Variants in PEG3 observed in about 807,000 individuals in gnomAD.
PEG3 encodes paternally-expressed gene 3 protein.
PEG3 carries 23 observed loss-of-function variants against 35.5 expected under a neutral mutation model. The observed-to-expected ratio is 0.65, with a 90% CI of 0.47 to 0.92. The LOEUF (loss-of-function observed/expected upper bound fraction) is 0.92. Among genes scored for constraint, PEG3 ranks in the 40% least tolerant of loss-of-function variants. PEG3 has a pLI of 0.00. For missense variants in PEG3, 1,960 were observed against 1,985.3 expected (o/e 0.99, Z 0.24); for synonymous variants, 707 against 697.0 (o/e 1.01, Z -0.23).
chr19:56,814,014 C>T lies in PEG3; in HGVS notation c.4428G>A (p.Glu1476=), dbSNP rs754695066. 1 of 1,613,298 alleles carries T rather than the reference C, an allele frequency of 6.2e-7. No individual in the cohort carries two copies. ...CACCGTCAGGCTCGTCGGCATCTCCCTCTGGCTCTTCAGCTTTTCCCTCTG... is the reference window on the plus strand; with the variant it reads ...CACCGTCAGGCTCGTCGGCATCTCCTTCTGGCTCTTCAGCTTTTCCCTCTG... ...EEPEGKAEEP[E]GDADEPDGVG... Residue 1476 remains glutamate (E), a synonymous_variant, in exon 10 of 10, where the codon GAG becomes GAA. Transcript: ENST00000326441. The surrounding 1 kb of genome is among the most constrained non-coding windows in gnomAD (Gnocchi z 5.8).
In PEG3 at chr19:56,814,092, A is replaced by G. The variant is rs1459861407; in HGVS notation, c.4350T>C (p.Ala1450=). Residue 1450 remains alanine, a synonymous_variant, in exon 10 of 10, where the codon GCT becomes GCC. Coordinates refer to ENST00000326441, the MANE Select transcript of PEG3 (RefSeq NM_006210.3). This position sits in a 1 kb window ranked among gnomAD's most constrained non-coding sequence, Gnocchi z 5.8. ...CAATACCTGCACCATCTGGCTCATCAGCATCCCCATTTGGCTGCTCGGCCT... is the reference window on the plus strand; with the variant it reads ...CAATACCTGCACCATCTGGCTCATCGGCATCCCCATTTGGCTGCTCGGCCT... ...NGEAEQPNGD[A]DEPDGAGIED... The G allele has an allele frequency of 8.1e-6, 13 of 1,613,780 alleles. No homozygotes were observed. The highest frequency in any genetic ancestry group is 5.3e-5 in the African/African-American group (4 of 74,820).
In PEG3 at chr19:56,816,318, A is replaced by C; in HGVS notation, c.2124T>G (p.Ser708=). The C allele has an allele frequency of 6.2e-7, 1 of 1,614,122 alleles. No homozygotes were observed. The highest frequency in any genetic ancestry group is 8.5e-7 in the Non-Finnish European group (1 of 1,179,996). The change falls in exon 10 of 10, where the codon TCT becomes TCG. Residue 708 remains serine (S), a synonymous_variant. Transcript: ENST00000326441. ...CTCTGCCTTCAAAGAGGTTCTTTCG[A>C]GAATGAATTTTCTGATGCTCACTGA... ...SELSEHQKIH[S]RKNLFEGRGY...
intron 2 of PEG3, among the ~76,000 whole-genome samples, chr19:56,829,181 T>A (rs1299790224): frequency 1.3e-5 from 2 of 151,906 alleles, no homozygotes; most frequent in Non-Finnish European, 2.9e-5. Flanking sequence ...TGAAACTCCA[T>A]CTCTACTAAA....
Position 56,811,720 on chromosome 19 carries a change from C to T in PEG3, c.*1955G>A, listed in dbSNP as rs1600852641. On this transcript the variant is annotated 3_prime_UTR_variant, in exon 10 of 10. Coordinates refer to ENST00000326441, the MANE Select transcript of PEG3 (RefSeq NM_006210.3). Reference sequence around the variant, plus strand: ...AAACCTCACTGCCCCTCAGCTTTCCCGATGTCCGTTCCAACCTCAGTCCTT... The same window carrying T: ...AAACCTCACTGCCCCTCAGCTTTCCTGATGTCCGTTCCAACCTCAGTCCTT... 3 of 985,576 alleles carry T rather than the reference C, an allele frequency of 3.0e-6. No individual in the cohort carries two copies. Among genetic ancestry groups the T allele is most frequent in the Middle Eastern group, 5.2e-4 (1 of 1,914 alleles). 61.1% of individuals were successfully genotyped at this position (985,576 alleles called of 1,614,324 possible). A position where few individuals can be genotyped will look rare whatever the true frequency, so the allele number is the denominator to read the frequency against.
chr19:56,818,168 C>T (rs903437636), intron 8 of PEG3, among the ~76,000 whole-genome samples: 1 of 152,308 alleles, frequency 6.6e-6, no homozygotes, highest in Middle Eastern at 3.4e-3. Flanking sequence ...TACCTCGCGA[C>T]TGCTCTTCCT....
Position 56,814,527 on chromosome 19 carries a change from C to T in PEG3, c.3915G>A (p.Lys1305=). Residue 1305 remains lysine (K), a synonymous_variant, in exon 10 of 10, where the codon AAG becomes AAA. Transcript: ENST00000326441. This position sits in a 1 kb window ranked among gnomAD's most constrained non-coding sequence, Gnocchi z 5.8. The part of the protein sequence containing the change: ...AELADHVTVH[K]NEPYEYGSSY... ...AGGACCCGTACTCATAGGGCTCATTCTTATGAACAGTTACGTGATCTGCAA... is the reference window on the plus strand; with the variant it reads ...AGGACCCGTACTCATAGGGCTCATTTTTATGAACAGTTACGTGATCTGCAA... 4 of 1,613,942 alleles carry T rather than the reference C, an allele frequency of 2.5e-6. No individual in the cohort carries two copies. The highest frequency in any genetic ancestry group is 3.4e-6 in the Non-Finnish European group (4 of 1,179,892).
intron 1 of PEG3, among the ~76,000 whole-genome samples, chr19:56,838,072 C>T (rs1229584178): frequency 6.6e-6 from 1 of 152,242 alleles, no homozygotes; most frequent in Non-Finnish European, 1.5e-5. Flanking sequence ...CACAGTACAC[C>T]GTGGCTGCCA....
At chr19:56,823,756 A>T in intron 4 of PEG3, 77 bp from the exon 5 acceptor site, 2 of 1,517,104 alleles carry the variant, frequency 1.3e-6, no homozygotes, top group Non-Finnish European at 1.8e-6. Flanking sequence ...CCTGAGCCGC[A>T]TCTCCCTGTC....
At position 56,814,793 on chromosome 19, in the gene PEG3, T is replaced by G; in HGVS notation, c.3649A>C (p.Asn1217His). The part of the protein sequence containing the change: ...KPRRNRAAER[N>H]PALAGSAIRC... ...ATGGCCGACCCAGCAAGAGCAGGAT[T>G]CCTCTCTGCAGCACGATTCCTCCGT... Residue 1217 changes from asparagine to histidine, a missense_variant, in exon 10 of 10, where the codon AAT becomes CAT. Around this residue, in one of 5 missense-constraint regions of PEG3, gnomAD observed 124 missense variants for 179.6 expected, o/e 0.69. Coordinates refer to ENST00000326441, the MANE Select transcript of PEG3 (RefSeq NM_006210.3). This position sits in a 1 kb window ranked among gnomAD's most constrained non-coding sequence, Gnocchi z 5.8. 1 of 1,614,180 alleles carries G rather than the reference T, an allele frequency of 6.2e-7. No individual in the cohort carries two copies. Among genetic ancestry groups the G allele is most frequent in the Non-Finnish European group, 8.5e-7 (1 of 1,180,042 alleles).
In PEG3 at chr19:56,815,436, A is replaced by G. The variant is rs774648504; in HGVS notation, c.3006T>C (p.Tyr1002=). 2 of 1,614,002 alleles carry G rather than the reference A, an allele frequency of 1.2e-6. No homozygotes were observed. The highest frequency in any genetic ancestry group is 1.1e-5 in the South Asian group (1 of 91,082). Residue 1002 remains tyrosine, a synonymous_variant, in exon 10 of 10, where the codon TAT becomes TAC. Coordinates refer to ENST00000326441, the MANE Select transcript of PEG3 (RefSeq NM_006210.3). ...DREKPSGSRN[Y]EWSVIRSLAP... The stretch of plus-strand genomic sequence containing the variant: ...CCAAGCTGCGAATGACAGACCATTC[A>G]TAGTTTCTGCTTCCAGAGGGCTTCT...
Position 56,815,250 on chromosome 19 carries a change from TTGAGACTCCTCGCCA to T in PEG3, c.3177_3191del (p.His1059_Ser1063del). The T allele has an allele frequency of 6.2e-7, 1 of 1,614,236 alleles. No homozygotes were observed. The highest frequency in any genetic ancestry group is 8.5e-7 in the Non-Finnish European group (1 of 1,180,042). On this transcript the variant is annotated inframe_deletion, in exon 10 of 10. Coordinates refer to ENST00000326441, the MANE Select transcript of PEG3 (RefSeq NM_006210.3). ...TCTCCTCCCCATCAGTATTCTCGCC[TTGAGACTCCTCGCCA>T]TGAGACTTCTCTTGGTCATAGATTT...
chr19:56,837,208 G>A (rs972513668), intron 1 of PEG3, among the ~76,000 whole-genome samples: 4 of 151,998 alleles, frequency 2.6e-5, no homozygotes, highest in African/African-American at 7.3e-5. Context: ...CTCTGCTCAT[G>A]AACAGTTTCT....
chr19:56,818,814 CA>C, intron 7 of PEG3, 112 bp from the exon 8 acceptor site: 1 of 1,250,306 alleles, frequency 8.0e-7, no homozygotes, highest in East Asian at 2.3e-5. Context: ...AGGAAGTGCT[CA>C]CGGTATTGGG....
Position 56,816,649 on chromosome 19 carries a change from C to A in PEG3, c.1793G>T (p.Arg598Leu). ...DDKDNEREHE[R>L]ERERERGETF... ...TTCCCCGCGCTCACGTTCACGTTCA[C>A]GTTCATGTTCACGCTCATTATCTTT... The change falls in exon 10 of 10, where the codon CGT becomes CTT. Residue 598 changes from arginine (R) to leucine (L), a missense_variant. Around this residue, in one of 5 missense-constraint regions of PEG3, gnomAD observed 798 missense variants for 782.4 expected, o/e 1.02. Coordinates refer to ENST00000326441, the MANE Select transcript of PEG3 (RefSeq NM_006210.3). 6.2e-7 allele frequency: 1 copy of A among 1,613,514 alleles called. No individual in the cohort carries two copies. The highest frequency in any genetic ancestry group is 8.5e-7 in the Non-Finnish European group (1 of 1,179,570).
intron 2 of PEG3, among the ~76,000 whole-genome samples, chr19:56,834,566 C>T (rs555201663): frequency 1.0e-3 from 156 of 152,314 alleles, no homozygotes; most frequent in Non-Finnish European, 1.2e-3. Context: ...GGAACAGGAA[C>T]ATCCTATTTC....
chr19:56,831,866 T>C (rs2061598288), intron 2 of PEG3, among the ~76,000 whole-genome samples: 1 of 152,216 alleles, frequency 6.6e-6, no homozygotes, highest in African/African-American at 2.4e-5. Context: ...ATATTCCCAT[T>C]TACGTGTACA....
chr19:56,824,745 T>G lies in PEG3; in HGVS notation c.-86-4A>C. 7.8e-7 allele frequency: 1 copy of G among 1,282,258 alleles called. No homozygotes were observed. The highest frequency in any genetic ancestry group is 1.1e-6 in the Non-Finnish European group (1 of 919,650). The allele number at this position is 1,282,258 out of a possible 1,614,324, so 79.4% of individuals were successfully genotyped here. On this transcript the variant is annotated splice_polypyrimidine_tract_variant and splice_region_variant and intron_variant, in intron 3 of 9. Transcript: ENST00000326441. Reference sequence around the variant, plus strand: ...GTGACCGTCAGTACTCAGGGACCTGTGGATCGTAAGGAGATATACACATGT... The same window carrying G: ...GTGACCGTCAGTACTCAGGGACCTGGGGATCGTAAGGAGATATACACATGT...
At chr19:56,820,295 T>C (rs1418514219) in intron 7 of PEG3, among the ~76,000 whole-genome samples, 1 of 152,254 alleles carries the variant, frequency 6.6e-6, no homozygotes, top group Non-Finnish European at 1.5e-5. Flanking sequence ...TGTGTACACC[T>C]TCAAAATGTA....
chr19:56,816,523 G>A lies in PEG3; in HGVS notation c.1919C>T (p.Ser640Leu), dbSNP rs749877300. 2.5e-6 allele frequency: 4 copies of A among 1,613,338 alleles called. No homozygotes were observed. The Admixed American group carries it at 5.0e-5, about 20-fold the overall frequency. Residue 640 changes from serine to leucine, a missense_variant, in exon 10 of 10, where the codon TCA becomes TTA. Ser to Leu is a moderately radical substitution (Grantham distance 145). Coordinates refer to ENST00000326441, the MANE Select transcript of PEG3 (RefSeq NM_006210.3). ...KVCGETFLHS[S>L]SLKEHQKIHT... ...GATTTTCTGATGTTCTTTCAGGGAT[G>A]AGCTATGAAGGAAAGTCTCCCCACA...
Sources: allele counts gnomAD v4.1 joint callset (sites outside exome capture counted in the v4.1 genomes callset), GRCh38; gene constraint gnomAD v4.1.1; regional missense constraint gnomAD v4.1.1; non-coding constraint Gnocchi (gnomAD v3.1); transcripts MANE v1.5; gene names NCBI Gene and HGNC (gene_info 2026-07-23, HGNC 2026-07-21).